Variants in STK39 observed in about 807,000 individuals in gnomAD.
The protein encoded by STK39 is serine/threonine kinase 39.
Under a neutral mutation model 77.8 loss-of-function variants are expected in STK39, and 20 were observed. The ratio of observed to expected loss-of-function variants is 0.26; its 90% confidence interval spans 0.18 to 0.37. The LOEUF (loss-of-function observed/expected upper bound fraction) is 0.37, where lower values mean the gene tolerates loss of function less well. Among genes scored for constraint, STK39 ranks in the 10% least tolerant of loss-of-function variants. The pLI is 1.00. For synonymous variants in STK39, 246 were observed against 234.1 expected (o/e 1.05, Z -0.47); for missense variants, 479 against 656.5 (o/e 0.73, Z 2.95).
At chr2:168,141,483 A>G (rs919149609) in intron 5 of STK39, among the ~76,000 whole-genome samples, 1 of 152,238 alleles carries the variant, frequency 6.6e-6, no homozygotes, top group Non-Finnish European at 1.5e-5. Context: ...ATATACATAC[A>G]GGCACATGTG....
intron 16 of STK39, among the ~76,000 whole-genome samples, chr2:167,985,415 T>C (rs1392576304): frequency 6.6e-6 from 1 of 152,224 alleles, no homozygotes; most frequent in Non-Finnish European, 1.5e-5. Flanking sequence ...TAATATGTCC[T>C]GATGTTACAA....
chr2:167,976,186 A>G (rs1260102026), intron 16 of STK39, among the ~76,000 whole-genome samples: 1 of 152,232 alleles, frequency 6.6e-6, no homozygotes, highest in East Asian at 1.9e-4. Context: ...AGTGCAAATA[A>G]CAAAAGAAGT....
chr2:168,138,758 G>A (rs2105526473), intron 7 of STK39, among the ~76,000 whole-genome samples: 1 of 152,312 alleles, frequency 6.6e-6, no homozygotes, highest in Admixed American at 6.5e-5. Flanking sequence ...GCAAAGCTGA[G>A]AGAGCAGGAC....
chr2:168,245,675 A>G (rs1384296822), intron 1 of STK39, among the ~76,000 whole-genome samples: 1 of 152,238 alleles, frequency 6.6e-6, no homozygotes, highest in Non-Finnish European at 1.5e-5. Context: ...TCAGGAAGCA[A>G]TCACTGAAGA....
At chr2:168,097,476 G>C (rs899656299) in intron 10 of STK39, among the ~76,000 whole-genome samples, 1 of 152,192 alleles carries the variant, frequency 6.6e-6, no homozygotes, top group East Asian at 1.9e-4. Context: ...TGTAATCCCA[G>C]TACTTTGGGA....
intron 1 of STK39, among the ~76,000 whole-genome samples, chr2:168,193,754 G>C (rs1400699374): frequency 6.6e-6 from 1 of 152,248 alleles, no homozygotes; most frequent in South Asian, 2.1e-4. Context: ...TGGGTGTGCT[G>C]TGAAAACGTT....
intron 1 of STK39, among the ~76,000 whole-genome samples, chr2:168,220,775 T>C (rs1364475113): frequency 6.6e-6 from 1 of 152,196 alleles, no homozygotes; most frequent in African/African-American, 2.4e-5. Context: ...TCAAAGATAA[T>C]ACAATTGAAC....
At position 167,964,898 on chromosome 2, in the gene STK39, TACA is replaced by T. The variant is rs1379728535; in HGVS notation, c.1499-175_1499-173del. Among the ~76,000 whole-genome samples, 8 of 152,248 alleles carry T rather than the reference TACA, an allele frequency of 5.3e-5. No homozygotes were observed. The East Asian group carries it at 5.8e-4, about 11-fold the overall frequency. ...CAAATTACTCTCATACAGATATTTC[TACA>T]ACAATTGATATCATTTCAGCAATCT... is the stretch of plus-strand genomic sequence containing the variant. On this transcript the variant is annotated intron_variant, in intron 16 of 17. Coordinates refer to ENST00000355999, the MANE Select transcript of STK39 (RefSeq NM_013233.3).
chr2:168,136,912 A>G (rs115568107), intron 8 of STK39, among the ~76,000 whole-genome samples: 1,885 of 152,332 alleles, frequency 0.012, 25 homozygotes, highest in South Asian at 0.034. Context: ...TGACAAAATA[A>G]TCATCCCTTT....
chr2:168,129,164 T>G (rs144042400), intron 10 of STK39, among the ~76,000 whole-genome samples: 63 of 152,334 alleles, frequency 4.1e-4, no homozygotes, highest in Non-Finnish European at 7.4e-4. Flanking sequence ...AGTTGTGTTT[T>G]TTATCTTCAT....
chr2:168,150,154 T>C (rs1211854023), intron 5 of STK39, among the ~76,000 whole-genome samples: 2 of 152,228 alleles, frequency 1.3e-5, no homozygotes, highest in East Asian at 3.8e-4. Context: ...GCAGGCACTA[T>C]GGCGTGATTC....
chr2:168,019,915 G>A (rs1161534769), intron 14 of STK39, among the ~76,000 whole-genome samples: 1 of 152,060 alleles, frequency 6.6e-6, no homozygotes, highest in African/African-American at 2.4e-5. Flanking sequence ...ATGTTGGCCA[G>A]GCTGGTCTTG....
rs1051331994 is a variant in STK39, at chr2:168,201,312, GA to G, written c.209-19223del. On this transcript the variant is annotated intron_variant, in intron 1 of 17. Coordinates refer to ENST00000355999, the MANE Select transcript of STK39 (RefSeq NM_013233.3). ...TGGCAGTGAGACACTGTGTCTGGCAGAAAGGTGTGGGTAGAGCATGTCCCAC... is the reference window on the plus strand; with the variant it reads ...TGGCAGTGAGACACTGTGTCTGGCAGAAGGTGTGGGTAGAGCATGTCCCAC... Among the ~76,000 whole-genome samples, 55 of 152,260 alleles carry G rather than the reference GA, an allele frequency of 3.6e-4. 1 individual carries two copies. The highest frequency in any genetic ancestry group is 1.5e-4 in the Non-Finnish European group (10 of 68,056).
chr2:168,152,831 T>G (rs1000233192), intron 5 of STK39, among the ~76,000 whole-genome samples: 1 of 152,192 alleles, frequency 6.6e-6, no homozygotes, highest in African/African-American at 2.4e-5. Context: ...ACAACTTAGA[T>G]CAAATATTAA....
At chr2:168,019,903 C>T (rs11691251) in intron 14 of STK39, among the ~76,000 whole-genome samples, 8,539 of 152,042 alleles carry the variant, frequency 0.056, 311 homozygotes, top group Middle Eastern at 0.085. Flanking sequence ...CAGGGTTTCA[C>T]CATGTTGGCC....
At chr2:168,198,851 T>C (rs776436393) in intron 1 of STK39, among the ~76,000 whole-genome samples, 1 of 152,238 alleles carries the variant, frequency 6.6e-6, no homozygotes, top group Admixed American at 6.5e-5. Flanking sequence ...TATTTAAACA[T>C]GTTTGAGTAA....
chr2:167,989,705 T>C (rs1456276126), intron 16 of STK39, among the ~76,000 whole-genome samples: 1 of 152,120 alleles, frequency 6.6e-6, no homozygotes, highest in Non-Finnish European at 1.5e-5. Context: ...ATGTTTTTCC[T>C]AGAAAAGTAA....
chr2:167,980,820 C>A (rs1257278734), intron 16 of STK39, among the ~76,000 whole-genome samples: 2 of 145,552 alleles, frequency 1.4e-5, no homozygotes, highest in Non-Finnish European at 3.0e-5. Flanking sequence ...ATCTTCATTT[C>A]TTCTTCTTTT....
chr2:168,059,868 A>G (rs1030518089), intron 14 of STK39, among the ~76,000 whole-genome samples: 2 of 152,146 alleles, frequency 1.3e-5, no homozygotes, highest in Admixed American at 6.6e-5. Flanking sequence ...ACCAATTTGA[A>G]TATTTGAATT....
Sources: gnomAD v4.1 joint callset for allele counts (sites outside exome capture counted in the v4.1 genomes callset) on GRCh38, gnomAD v4.1.1 for gene constraint, MANE v1.5 for transcripts, NCBI Gene and HGNC (gene_info 2026-07-23, HGNC 2026-07-21) for gene names.